Variants in PARD3B observed in about 807,000 individuals in gnomAD.
PARD3B encodes par-3 family cell polarity regulator beta.
In PARD3B, 103 loss-of-function variants were observed where a neutral mutation model predicts 130.2. The ratio of observed to expected loss-of-function variants is 0.79; its 90% CI spans 0.67 to 0.93. The LOEUF (loss-of-function observed/expected upper bound fraction) is 0.93. PARD3B is among the 40% of genes least tolerant of loss of function. The pLI, the probability that PARD3B is intolerant of heterozygous loss-of-function variation, is 0.00. For missense variants in PARD3B, 1,609 were observed against 1,499.2 expected, an observed-to-expected ratio of 1.07 and a Z score of -1.21; for synonymous variants, 583 against 553.2, an observed-to-expected ratio of 1.05 and a Z score of -0.76.
chr2:205,227,823 TTC>T (rs2038638980), intron 15 of PARD3B, among the ~76,000 whole-genome samples: 1 of 152,184 alleles, frequency 6.6e-6, no homozygotes, highest in Non-Finnish European at 1.5e-5. Context: ...ATGATTTAAT[TTC>T]TTTCTTTTTC....
At chr2:204,989,564 G>C (rs141059706) in intron 3 of PARD3B, among the ~76,000 whole-genome samples, 2 of 152,132 alleles carry the variant, frequency 1.3e-5, no homozygotes, top group African/African-American at 4.8e-5. Flanking sequence ...AGTCCCCTCT[G>C]TACCCCTTGC....
chr2:205,343,951 C>CTTTCT (rs1486285061), intron 18 of PARD3B, among the ~76,000 whole-genome samples: 1 of 152,114 alleles, frequency 6.6e-6, no homozygotes, highest in Non-Finnish European at 1.5e-5. Flanking sequence ...CAGCCATGAA[C>CTTTCT]TTTCTTTTCT....
intron 10 of PARD3B, among the ~76,000 whole-genome samples, chr2:205,140,829 G>A (rs2032890188): frequency 6.6e-6 from 1 of 151,882 alleles, no homozygotes; most frequent in African/African-American, 2.4e-5. Flanking sequence ...TTTTTTGGTA[G>A]GCTGAGATTT....
At chr2:204,563,012 G>T (rs2031419278) in intron 1 of PARD3B, among the ~76,000 whole-genome samples, 1 of 152,086 alleles carries the variant, frequency 6.6e-6, no homozygotes, top group Non-Finnish European at 1.5e-5. Flanking sequence ...AAACTGGGTG[G>T]TTTAAAACAA....
chr2:205,612,786 A>T (rs974120159), intron 22 of PARD3B, among the ~76,000 whole-genome samples: 4 of 152,232 alleles, frequency 2.6e-5, no homozygotes, highest in African/African-American at 7.2e-5. Flanking sequence ...ACTCCCAGAC[A>T]TAAAACCTCC....
At chr2:204,644,951 C>T (rs1442352466) in intron 1 of PARD3B, among the ~76,000 whole-genome samples, 1 of 151,588 alleles carries the variant, frequency 6.6e-6, no homozygotes, top group African/African-American at 2.4e-5. Context: ...TTGCTGCTTT[C>T]CTAAGAGAGA....
chr2:204,844,806 C>T (rs183322438), intron 2 of PARD3B, among the ~76,000 whole-genome samples: 5 of 152,092 alleles, frequency 3.3e-5, no homozygotes, highest in Admixed American at 2.6e-4. Flanking sequence ...AAAAGTTGTA[C>T]GTTTTATTTT....
At chr2:205,457,726 C>A (rs952568308) in intron 20 of PARD3B, among the ~76,000 whole-genome samples, 2 of 151,818 alleles carry the variant, frequency 1.3e-5, no homozygotes. Flanking sequence ...TTAAAGATAT[C>A]ATTCCATTGT....
chr2:204,996,326 T>G (rs1294645355), intron 3 of PARD3B, among the ~76,000 whole-genome samples: 1 of 151,744 alleles, frequency 6.6e-6, no homozygotes, highest in Non-Finnish European at 1.5e-5. Context: ...GCAGGTCTGT[T>G]GGAATACCCT....
intron 21 of PARD3B, among the ~76,000 whole-genome samples, chr2:205,521,176 GTGTT>G (rs1163795986): frequency 1.3e-5 from 2 of 151,558 alleles, no homozygotes; most frequent in African/African-American, 2.4e-5. Context: ...TTAAAATTGA[GTGTT>G]TGTATTTTTC....
intron 22 of PARD3B, among the ~76,000 whole-genome samples, chr2:205,573,689 T>A (rs1457600075): frequency 6.6e-6 from 1 of 152,150 alleles, no homozygotes; most frequent in Non-Finnish European, 1.5e-5. Flanking sequence ...CCATCAAGAG[T>A]ATTAAATTGA....
intron 4 of PARD3B, among the ~76,000 whole-genome samples, chr2:205,085,785 A>G (rs1701707114): frequency 1.3e-5 from 2 of 152,112 alleles, no homozygotes; most frequent in South Asian, 2.1e-4. Flanking sequence ...CATTTTAATT[A>G]TATTTGAAGG....
rs150312181 is a variant in PARD3B at position 205,135,069 on chromosome 2, G to C, written c.1434+9332G>C. 5.7e-3 allele frequency among the ~76,000 whole-genome samples: 867 copies of C among 152,240 alleles called. 7 individuals carry two copies. Among genetic ancestry groups the C allele is most frequent in the African/African-American group, 0.019 (795 of 41,548 alleles). ...CATATGTCTTATTAGTGGCGACTGTGGCTATGATTATGCTTCTGGAGACTG... is the reference window on the plus strand; with the variant it reads ...CATATGTCTTATTAGTGGCGACTGTCGCTATGATTATGCTTCTGGAGACTG... On this transcript the variant is annotated intron_variant, in intron 10 of 22. Transcript: ENST00000406610.
At chr2:205,225,608 G>T (rs1355688773) in intron 15 of PARD3B, among the ~76,000 whole-genome samples, 3 of 152,180 alleles carry the variant, frequency 2.0e-5, no homozygotes, top group Non-Finnish European at 4.4e-5. Context: ...TTAACTCATA[G>T]TTCTGCAGGC....
At chr2:205,053,641 C>CAA (rs777534366) in intron 4 of PARD3B, among the ~76,000 whole-genome samples, 4 of 115,112 alleles carry the variant, frequency 3.5e-5, no homozygotes, top group East Asian at 2.5e-4. Flanking sequence ...AACTCCATCT[C>CAA]AAAAAAAAAA....
chr2:205,511,299 A>C lies in PARD3B; in HGVS notation c.3180+11268A>C, dbSNP rs969269018. Among the ~76,000 whole-genome samples the C allele has an allele frequency of 2.3e-4, 35 of 152,342 alleles. 1 individual carries two copies. Among genetic ancestry groups the C allele is most frequent in the African/African-American group, 8.4e-4 (35 of 41,578 alleles). ...TGGCTCAAACCCAAACCTAAATAGC[A>C]AAGAGCAGAAAAAGGAAGTTCAGGA... On this transcript the variant is annotated intron_variant, in intron 21 of 22. Transcript: ENST00000406610.
chr2:205,377,763 AT>A (rs3048124), intron 18 of PARD3B, among the ~76,000 whole-genome samples: 1,622 of 117,392 alleles, frequency 0.014, 24 homozygotes, highest in African/African-American at 0.055. Context: ...GTGTAATCCA[AT>A]TTTTTTTTTT....
At chr2:205,513,285 C>G (rs1009622190) in intron 21 of PARD3B, among the ~76,000 whole-genome samples, 14 of 152,072 alleles carry the variant, frequency 9.2e-5, no homozygotes, top group Non-Finnish European at 2.9e-5. Context: ...GGTTCCAGAA[C>G]TATGTTGCCT....
At chr2:204,573,253 A>G (rs922308039) in intron 1 of PARD3B, among the ~76,000 whole-genome samples, 3 of 152,216 alleles carry the variant, frequency 2.0e-5, no homozygotes, top group Non-Finnish European at 2.9e-5. Context: ...CACTCTTGAT[A>G]TCTTTTCCAC....
Sources: gnomAD v4.1 joint callset for allele counts (sites outside exome capture counted in the v4.1 genomes callset) on GRCh38, gnomAD v4.1.1 for gene constraint, MANE v1.5 for transcripts, NCBI Gene and HGNC (gene_info 2026-07-23, HGNC 2026-07-21) for gene names.